PYHIN1: variants seen among roughly 807,000 people sequenced by gnomAD.
The protein encoded by PYHIN1 is pyrin and HIN domain-containing protein 1.
A neutral mutation model predicts 43.7 loss-of-function variants in PYHIN1; 32 were observed. The ratio of observed to expected loss-of-function variants is 0.73; its 90% CI spans 0.55 to 0.98. The LOEUF (loss-of-function observed/expected upper bound fraction) is 0.98. Ranked by LOEUF, PYHIN1 falls within the 50% of genes least tolerant of loss-of-function variation. The pLI, the probability that PYHIN1 is intolerant of heterozygous loss-of-function variation, is 0.00. For missense variants in PYHIN1, 588 were observed against 589.5 expected (o/e 1.00, Z 0.03); for synonymous variants, 205 against 203.1 (o/e 1.01, Z -0.08).
At chr1:158,956,846 T>C (rs1649966654) in intron 7 of PYHIN1, among the ~76,000 whole-genome samples, 1 of 136,264 alleles carries the variant, frequency 7.3e-6, no homozygotes, top group Non-Finnish European at 1.6e-5. Context: ...ATTGTATATC[T>C]AGAAAACCCC....
At chr1:158,963,415 C>T (rs772570603) in intron 7 of PYHIN1, among the ~76,000 whole-genome samples, 1 of 152,064 alleles carries the variant, frequency 6.6e-6, no homozygotes, top group Non-Finnish European at 1.5e-5. Flanking sequence ...AGGCCCTCTG[C>T]CATAACCACT....
In PYHIN1 at chr1:158,933,104, G is replaced by A. The variant is rs1175815537; in HGVS notation, c.-21+1328G>A. ...ATATAGAACCTCCTATTATAAGACG[G>A]TATTTTCTTGTACTCCTCTCAAATT... On this transcript the variant is annotated intron_variant, in intron 1 of 8. Transcript: ENST00000368140. This position sits in a 1 kb window ranked among gnomAD's most constrained non-coding sequence, Gnocchi z 6.3. 6.6e-6 allele frequency among the ~76,000 whole-genome samples: 1 copy of A among 151,466 alleles called. No individual in the cohort carries two copies. Among genetic ancestry groups the A allele is most frequent in the East Asian group, 1.9e-4 (1 of 5,190 alleles).
downstream of PYHIN1, among the ~76,000 whole-genome samples, chr1:158,979,538 A>G (rs530061214): frequency 1.5e-3 from 223 of 152,292 alleles, no homozygotes; most frequent in Non-Finnish European, 2.3e-3. Context: ...ATTCCATTAT[A>G]TATACACACC....
chr1:158,987,084 T>A, the PYHIN1 span, among the ~76,000 whole-genome samples: 2 of 152,230 alleles, frequency 1.3e-5, no homozygotes, highest in African/African-American at 4.8e-5. Context: ...ATCTTTTTTG[T>A]TTGTTTGTTG....
chr1:158,945,207 T>C (rs1649157405), intron 7 of PYHIN1, 165 bp downstream of exon 7: 1 of 609,712 alleles, frequency 1.6e-6, no homozygotes, highest in Non-Finnish European at 2.7e-6. Flanking sequence ...TACTACCACA[T>C]GATAGTCTTT....
downstream of PYHIN1, among the ~76,000 whole-genome samples, chr1:158,977,297 T>C (rs1021134298): frequency 3.3e-5 from 5 of 152,084 alleles, no homozygotes; most frequent in African/African-American, 1.2e-4. Context: ...GGAGTTGCTC[T>C]AGCCAAAACT....
intron 7 of PYHIN1, among the ~76,000 whole-genome samples, chr1:158,967,914 C>T (rs1650718687): frequency 6.6e-6 from 1 of 152,126 alleles, no homozygotes; most frequent in South Asian, 2.1e-4. Flanking sequence ...AAACTGGACC[C>T]CTTCCTTACA....
At chr1:158,984,025 C>T in the PYHIN1 span, among the ~76,000 whole-genome samples, 66 of 90,968 alleles carry the variant, frequency 7.3e-4, no homozygotes, top group African/African-American at 2.8e-3. Flanking sequence ...TGGATCTTCT[C>T]CTGTTTTTTT....
In PYHIN1 at chr1:158,939,145, T is replaced by G; in HGVS notation, c.477T>G (p.Thr159=). 2 of 1,613,890 alleles carry G rather than the reference T, an allele frequency of 1.2e-6. No homozygotes were observed. Among genetic ancestry groups the G allele is most frequent in the Non-Finnish European group, 1.7e-6 (2 of 1,179,934 alleles). The change falls in exon 4 of 9, where the codon ACT becomes ACG. Residue 159 remains threonine (T), a synonymous_variant. Transcript: ENST00000368140. The part of the protein sequence containing the change: ...TKRSKMSKEQ[T]RPSCSAGAST... ...GGAGTAAGATGTCCAAAGAGCAGAC[T>G]CGGCCTTCCTGCTCTGCAGGAGCCA... is the stretch of plus-strand genomic sequence containing the variant.
chr1:158,937,161 G>A lies in PYHIN1; in HGVS notation c.251G>A (p.Arg84Lys). 1 of 1,588,874 alleles carries A rather than the reference G, an allele frequency of 6.3e-7. No homozygotes were observed. Among genetic ancestry groups the A allele is most frequent in the South Asian group, 1.2e-5 (1 of 85,920 alleles). The change falls in exon 2 of 9, where the codon AGA becomes AAA. Residue 84 changes from arginine (R) to lysine (K), a missense_variant. Physicochemically the swap from Arg to Lys is conservative, Grantham distance 26. Coordinates refer to ENST00000368140, the MANE Select transcript of PYHIN1 (RefSeq NM_152501.5). ...TLGDLAETLKREKLKVANKIE... is the reference protein window; with the variant it reads ...TLGDLAETLKKEKLKVANKIE... ...GGAGACCTTGCTGAAACTCTTAAAAGAGAAAAGTTAAAAGGTAATTGGGAA... is the reference window on the plus strand; with the variant it reads ...GGAGACCTTGCTGAAACTCTTAAAAAAGAAAAGTTAAAAGGTAATTGGGAA...
chr1:158,948,408 T>C (rs536419669), intron 7 of PYHIN1, among the ~76,000 whole-genome samples: 81 of 152,336 alleles, frequency 5.3e-4, no homozygotes, highest in African/African-American at 1.9e-3. Flanking sequence ...TTTCACCTCA[T>C]TCCAACCATG....
chr1:158,933,318 T>C lies in PYHIN1; in HGVS notation c.-21+1542T>C, dbSNP rs573020680. On this transcript the variant is annotated intron_variant, in intron 1 of 8. Coordinates refer to ENST00000368140, the MANE Select transcript of PYHIN1 (RefSeq NM_152501.5). The surrounding 1 kb of genome is among the most constrained non-coding windows in gnomAD (Gnocchi z 6.3). Reference sequence around the variant, plus strand: ...ATAACATTATATTATCATGAAGGACTATACAATAATGAAAAATAATATACA... The same window carrying C: ...ATAACATTATATTATCATGAAGGACCATACAATAATGAAAAATAATATACA... 3.1e-4 allele frequency among the ~76,000 whole-genome samples: 47 copies of C among 151,478 alleles called. No individual in the cohort carries two copies. The highest frequency in any genetic ancestry group is 9.6e-4 in the African/African-American group (40 of 41,468).
At chr1:158,982,629 T>A in the PYHIN1 span, among the ~76,000 whole-genome samples, 2,406 of 152,326 alleles carry the variant, frequency 0.016, 66 homozygotes, top group African/African-American at 0.055. Context: ...TTGGGATCTT[T>A]TTTGGGTTCC....
chr1:158,957,625 A>C (rs1650026465), intron 7 of PYHIN1, among the ~76,000 whole-genome samples: 1 of 144,558 alleles, frequency 6.9e-6, no homozygotes, highest in African/African-American at 2.6e-5. Flanking sequence ...TAAAGACTTA[A>C]ACGTTAGACC....
intron 7 of PYHIN1, among the ~76,000 whole-genome samples, chr1:158,946,238 A>G (rs1649213243): frequency 1.3e-5 from 2 of 152,202 alleles, no homozygotes; most frequent in African/African-American, 2.4e-5. Context: ...ATTCTTCTCT[A>G]TAACAGAGTG....
intron 7 of PYHIN1, among the ~76,000 whole-genome samples, chr1:158,972,038 A>T (rs1386624671): frequency 2.6e-5 from 4 of 152,160 alleles, no homozygotes; most frequent in Non-Finnish European, 4.4e-5. Flanking sequence ...ATAGAGGCAG[A>T]TACATAATCA....
At chr1:158,948,594 T>C (rs936144401) in intron 7 of PYHIN1, among the ~76,000 whole-genome samples, 1 of 152,216 alleles carries the variant, frequency 6.6e-6, no homozygotes, top group Non-Finnish European at 1.5e-5. Context: ...TAAGAGAAGT[T>C]TATTAGACAC....
chr1:158,984,045 T>TC, the PYHIN1 span, among the ~76,000 whole-genome samples: 4 of 125,474 alleles, frequency 3.2e-5, no homozygotes, highest in East Asian at 8.5e-4. Context: ...TTTTTTTTTT[T>TC]GTATATTAAT....
the PYHIN1 span, among the ~76,000 whole-genome samples, chr1:158,982,588 T>C: frequency 6.6e-6 from 1 of 152,184 alleles, no homozygotes; most frequent in Non-Finnish European, 1.5e-5. Flanking sequence ...CCTCCAGCTT[T>C]GTGGTTTCTG....
Sources: allele counts gnomAD v4.1 joint callset (sites outside exome capture counted in the v4.1 genomes callset), GRCh38; gene constraint gnomAD v4.1.1; non-coding constraint Gnocchi (gnomAD v3.1); transcripts MANE v1.5; gene names NCBI Gene and HGNC (gene_info 2026-07-23, HGNC 2026-07-21).